Variants in L3MBTL4 observed in about 807,000 individuals in gnomAD.
L3MBTL4 encodes lethal(3)malignant brain tumor-like protein 4.
In L3MBTL4, 70 loss-of-function variants were observed where a neutral mutation model predicts 84.5. The observed-to-expected ratio is 0.83, with a 90% CI of 0.68 to 1.01. The LOEUF is 1.01. L3MBTL4 is among the 50% of genes least tolerant of loss of function. The probability of loss-of-function intolerance (pLI) is 0.00; values close to 1 mark genes in which losing one functional copy is unlikely to be tolerated. For synonymous variants in L3MBTL4, 274 were observed against 259.8 expected (o/e 1.05, Z -0.52); for missense variants, 715 against 754.8 (o/e 0.95, Z 0.62).
chr18:6,139,238 C>T (rs2060121335), intron 13 of L3MBTL4, among the ~76,000 whole-genome samples: 1 of 152,080 alleles, frequency 6.6e-6, no homozygotes, highest in African/African-American at 2.4e-5. Flanking sequence ...GTACTATATA[C>T]TATGCTATAT....
intron 1 of L3MBTL4, among the ~76,000 whole-genome samples, chr18:6,325,818 C>G (rs1382054372): frequency 6.6e-6 from 1 of 152,102 alleles, no homozygotes; most frequent in African/African-American, 2.4e-5. Context: ...ATGGTGTACC[C>G]TAGTCATCTA....
At chr18:6,051,756 G>A (rs141200448) in intron 16 of L3MBTL4, among the ~76,000 whole-genome samples, 31 of 152,246 alleles carry the variant, frequency 2.0e-4, no homozygotes, top group Non-Finnish European at 3.4e-4. Flanking sequence ...CTGTGCTAAG[G>A]GAAGGTTTCC....
intron 1 of L3MBTL4, among the ~76,000 whole-genome samples, chr18:6,365,761 A>G (rs2053908773): frequency 6.6e-6 from 1 of 152,226 alleles, no homozygotes; most frequent in Non-Finnish European, 1.5e-5. Context: ...GAAACACTGT[A>G]TTGTTTGCAA....
intron 16 of L3MBTL4, among the ~76,000 whole-genome samples, chr18:6,053,782 C>G (rs1416481309): frequency 2.6e-5 from 4 of 152,056 alleles, no homozygotes. Context: ...GCTTGTCTCC[C>G]TCTGTTGTTA....
At chr18:6,285,809 A>ATTATTATTATTAT (rs1757908003) in intron 4 of L3MBTL4, among the ~76,000 whole-genome samples, 1 of 143,232 alleles carries the variant, frequency 7.0e-6, no homozygotes. Flanking sequence ...TTTAAAAGAT[A>ATTATTATTATTAT]TATTATTATT....
chr18:6,094,016 T>G (rs2058548952), intron 14 of L3MBTL4, among the ~76,000 whole-genome samples: 1 of 152,212 alleles, frequency 6.6e-6, no homozygotes, highest in African/African-American at 2.4e-5. Context: ...CTCCAGAGCT[T>G]TGCTGGGAAG....
intron 12 of L3MBTL4, among the ~76,000 whole-genome samples, chr18:6,208,970 A>G (rs1238982608): frequency 6.6e-6 from 1 of 152,234 alleles, no homozygotes; most frequent in Admixed American, 6.5e-5. Flanking sequence ...AAGTGGATTT[A>G]TGAGGGTGAG....
At chr18:6,370,133 C>CAA (rs35835409) in intron 1 of L3MBTL4, among the ~76,000 whole-genome samples, 26 of 88,208 alleles carry the variant, frequency 2.9e-4, no homozygotes, top group African/African-American at 4.3e-4. Context: ...GACTCGGTCT[C>CAA]AAAAAAAAAA....
chr18:6,008,829 C>T (rs1322730963), intron 16 of L3MBTL4, among the ~76,000 whole-genome samples: 2 of 152,164 alleles, frequency 1.3e-5, no homozygotes. Flanking sequence ...CTGATGTTTG[C>T]TAAGTCTAGG....
intron 16 of L3MBTL4, among the ~76,000 whole-genome samples, chr18:6,036,878 C>T (rs771041761): frequency 1.1e-4 from 16 of 152,090 alleles, no homozygotes; most frequent in East Asian, 1.9e-4. Flanking sequence ...GTACCTTTCC[C>T]GGGCCATACA....
chr18:6,100,708 T>A (rs2058796230), intron 14 of L3MBTL4, among the ~76,000 whole-genome samples: 1 of 152,206 alleles, frequency 6.6e-6, no homozygotes, highest in Non-Finnish European at 1.5e-5. Context: ...TAGGCACCCC[T>A]GGATGCCACC....
intron 13 of L3MBTL4, among the ~76,000 whole-genome samples, chr18:6,140,083 A>T (rs2060150122): frequency 6.6e-6 from 1 of 152,164 alleles, no homozygotes; most frequent in African/African-American, 2.4e-5. Context: ...GGGTCTTGTC[A>T]TCACCCAAAA....
At chr18:6,300,426 A>G (rs1017941263) in intron 4 of L3MBTL4, among the ~76,000 whole-genome samples, 1 of 152,196 alleles carries the variant, frequency 6.6e-6, no homozygotes, top group African/African-American at 2.4e-5. Context: ...ACCATTAACT[A>G]TAAAACAAGT....
chr18:6,032,335 A>T (rs1187699581), intron 16 of L3MBTL4: 2 of 982,346 alleles, frequency 2.0e-6, no homozygotes, highest in Non-Finnish European at 2.4e-6. Context: ...AAAGCTTATG[A>T]TGTGCTGTTT....
intron 16 of L3MBTL4, among the ~76,000 whole-genome samples, chr18:6,041,190 T>C (rs1291007203): frequency 6.6e-6 from 1 of 152,206 alleles, no homozygotes; most frequent in East Asian, 1.9e-4. Context: ...GCCCAGTACA[T>C]GCAGTCTATC....
intron 16 of L3MBTL4, among the ~76,000 whole-genome samples, chr18:5,994,059 C>T (rs1387030713): frequency 2.0e-5 from 3 of 152,318 alleles, no homozygotes; most frequent in Non-Finnish European, 2.9e-5. Flanking sequence ...GTGGTTCATG[C>T]CCCTTTCTCT....
chr18:6,243,808 A>C (rs1169051255), intron 6 of L3MBTL4, among the ~76,000 whole-genome samples: 1 of 152,214 alleles, frequency 6.6e-6, no homozygotes, highest in Non-Finnish European at 1.5e-5. Flanking sequence ...GTGTAAGCTA[A>C]AGTACAAAGC....
In L3MBTL4 at chr18:6,072,884, AT is replaced by A. The variant is rs1568069830; in HGVS notation, c.1444+7996del. Among the ~76,000 whole-genome samples the A allele has an allele frequency of 2.7e-3, 54 of 19,714 alleles. 2 individuals are homozygous for A. The highest frequency in any genetic ancestry group is 5.5e-3 in the East Asian group (3 of 542). The allele number at this position is 19,714 out of a possible 152,430, so 12.9% of individuals were successfully genotyped here. On this transcript the variant is annotated intron_variant, in intron 16 of 18. Transcript: ENST00000317931. ...CCGTCTCAAAAAAAAAAAAAAAAAT[AT>A]ATATATATATATATATATATATATA...
At chr18:6,260,209 A>C (rs190697243) in intron 5 of L3MBTL4, 3 of 152,304 alleles carry the variant, frequency 2.0e-5, no homozygotes, top group African/African-American at 4.8e-5. Context: ...GTATAGTCTG[A>C]AGTCAGGTAA....
Sources: allele counts gnomAD v4.1 joint callset (sites outside exome capture counted in the v4.1 genomes callset), GRCh38; gene constraint gnomAD v4.1.1; transcripts MANE v1.5; gene names NCBI Gene and HGNC (gene_info 2026-07-23, HGNC 2026-07-21).